The following MAGI1 variants were observed in gnomAD, a reference collection of about 807,000 sequenced individuals.
The protein encoded by MAGI1 is membrane associated guanylate kinase, WW and PDZ domain containing 1.
In MAGI1, 58 loss-of-function variants were observed where a neutral mutation model predicts 139.9. The observed-to-expected ratio is 0.41, with a 90% CI of 0.34 to 0.52. The LOEUF (loss-of-function observed/expected upper bound fraction) is 0.52, where lower values mean the gene tolerates loss of function less well. Among genes scored for constraint, MAGI1 ranks in the 20% least tolerant of loss-of-function variants. The pLI, the probability that MAGI1 is intolerant of heterozygous loss-of-function variation, is 0.12. For synonymous variants in MAGI1, 812 were observed against 737.9 expected (o/e 1.10, Z -1.63); for missense variants, 1,874 against 1,901.6 (o/e 0.99, Z 0.27).
chr3:65,605,864 A>G (rs2082714361), intron 2 of MAGI1, among the ~76,000 whole-genome samples: 1 of 152,220 alleles, frequency 6.6e-6, no homozygotes, highest in Non-Finnish European at 1.5e-5. Flanking sequence ...AAACTCTGAA[A>G]TGAAAGTCCA....
chr3:65,994,362 A>G (rs2066334455), intron 1 of MAGI1, among the ~76,000 whole-genome samples: 1 of 151,906 alleles, frequency 6.6e-6, no homozygotes, highest in Non-Finnish European at 1.5e-5. Flanking sequence ...GCAAAGAGTG[A>G]GAGACTCAGT....
At chr3:65,781,586 A>G (rs1294438689) in intron 1 of MAGI1, among the ~76,000 whole-genome samples, 1 of 152,214 alleles carries the variant, frequency 6.6e-6, no homozygotes, top group African/African-American at 2.4e-5. Context: ...TTATTATACA[A>G]ATTATATAGC....
intron 1 of MAGI1, among the ~76,000 whole-genome samples, chr3:65,681,629 T>G (rs1234283550): frequency 2.0e-5 from 3 of 152,256 alleles, no homozygotes; most frequent in African/African-American, 7.2e-5. Flanking sequence ...CCCTCTGCAC[T>G]TCTATTTATG....
intron 1 of MAGI1, among the ~76,000 whole-genome samples, chr3:65,679,847 T>C (rs984565058): frequency 4.6e-5 from 7 of 152,228 alleles, no homozygotes. Flanking sequence ...CAGGGCATGT[T>C]TATTTAAAAC....
intron 12 of MAGI1, among the ~76,000 whole-genome samples, chr3:65,404,161 T>C (rs1945141553): frequency 6.6e-6 from 1 of 152,262 alleles, no homozygotes; most frequent in Non-Finnish European, 1.5e-5. Context: ...TTAAGGAGAC[T>C]TTAGCCTTAT....
intron 1 of MAGI1, among the ~76,000 whole-genome samples, chr3:65,939,322 A>C (rs1276338915): frequency 6.6e-6 from 1 of 152,186 alleles, no homozygotes; most frequent in East Asian, 1.9e-4. Flanking sequence ...CTCATTATTA[A>C]AAAATATACA....
chr3:65,554,233 A>G (rs2079982691), intron 2 of MAGI1, among the ~76,000 whole-genome samples: 1 of 152,198 alleles, frequency 6.6e-6, no homozygotes, highest in African/African-American at 2.4e-5. Context: ...ACTATGTGAT[A>G]TAGAGTCATG....
intron 1 of MAGI1, among the ~76,000 whole-genome samples, chr3:65,835,307 T>A (rs1240549080): frequency 6.6e-6 from 1 of 152,168 alleles, no homozygotes; most frequent in Admixed American, 6.5e-5. Flanking sequence ...CTTATTCACA[T>A]CAAGGAAACA....
chr3:65,645,145 T>TA (rs2085192576), intron 1 of MAGI1, among the ~76,000 whole-genome samples: 1 of 151,956 alleles, frequency 6.6e-6, no homozygotes, highest in Non-Finnish European at 1.5e-5. Flanking sequence ...AACATTTACT[T>TA]AAAGAAATAA....
chr3:65,415,963 A>G (rs1946184334), intron 12 of MAGI1, among the ~76,000 whole-genome samples: 1 of 152,208 alleles, frequency 6.6e-6, no homozygotes, highest in African/African-American at 2.4e-5. Flanking sequence ...ATTCATGGGC[A>G]GTGCTGTTAT....
chr3:65,568,984 G>A (rs977345029), intron 2 of MAGI1, among the ~76,000 whole-genome samples: 17 of 152,184 alleles, frequency 1.1e-4, no homozygotes, highest in Non-Finnish European at 2.1e-4. Context: ...GCTGATAAAT[G>A]TTTTGTTTGG....
chr3:65,410,903 C>T (rs1440740977), intron 12 of MAGI1, among the ~76,000 whole-genome samples: 4 of 152,174 alleles, frequency 2.6e-5, no homozygotes, highest in Non-Finnish European at 2.9e-5. Context: ...GGAGCTTTTT[C>T]TAGCTTGCAA....
intron 12 of MAGI1, among the ~76,000 whole-genome samples, chr3:65,417,698 C>A (rs768758170): frequency 1.7e-4 from 26 of 152,026 alleles, no homozygotes; most frequent in Non-Finnish European, 3.4e-4. Context: ...GGGTCTCAAA[C>A]TCAGGTGATT....
At chr3:66,013,267 G>C (rs1042200592) in intron 1 of MAGI1, among the ~76,000 whole-genome samples, 10 of 152,042 alleles carry the variant, frequency 6.6e-5, no homozygotes, top group African/African-American at 2.2e-4. Context: ...GCCAGGCATG[G>C]TGGCACATGC....
chr3:65,841,012 T>C (rs1362511641), intron 1 of MAGI1, among the ~76,000 whole-genome samples: 3 of 152,186 alleles, frequency 2.0e-5, no homozygotes, highest in Non-Finnish European at 4.4e-5. Flanking sequence ...TGGTAGTTTG[T>C]GCTTTTCAAA....
chr3:65,679,538 A>G (rs975069886), intron 1 of MAGI1, among the ~76,000 whole-genome samples: 1 of 152,102 alleles, frequency 6.6e-6, no homozygotes, highest in East Asian at 1.9e-4. Flanking sequence ...ACTCCAGCCT[A>G]GGTGACAGAG....
At chr3:65,721,426 G>C (rs931687613) in intron 1 of MAGI1, among the ~76,000 whole-genome samples, 2 of 152,178 alleles carry the variant, frequency 1.3e-5, no homozygotes, top group Admixed American at 1.3e-4. Context: ...TAAGGTGCAT[G>C]AATTAGAGCT....
rs1940187188 is a variant in MAGI1 at position 65,356,249 on chromosome 3, T to C, written c.*129A>G. The C allele has an allele frequency of 1.2e-6, 1 of 837,036 alleles. No individual in the cohort carries two copies. The highest frequency in any genetic ancestry group is 1.8e-6 in the Non-Finnish European group (1 of 568,164). 51.9% of individuals were successfully genotyped at this position (837,036 alleles called of 1,614,324 possible). A position where few individuals can be genotyped will look rare whatever the true frequency, so the allele number is the denominator to read the frequency against. On this transcript the variant is annotated 3_prime_UTR_variant, in exon 23 of 23. Transcript: ENST00000402939. ...CTTATAAGATTTCAAATGCATAAAA[T>C]GTTTGTTGTTATTCATAGGATCATC... is the stretch of plus-strand genomic sequence containing the variant.
In MAGI1 at chr3:65,943,787, G is replaced by T. The variant is rs1465055039; in HGVS notation, c.313+94209C>A. Among the ~76,000 whole-genome samples, 7 of 152,142 alleles carry T rather than the reference G, an allele frequency of 4.6e-5. No individual in the cohort carries two copies. In the East Asian group the frequency reaches 1.3e-3, roughly 29 times the overall value. On this transcript the variant is annotated intron_variant, in intron 1 of 22. Coordinates refer to ENST00000402939, the MANE Select transcript of MAGI1 (RefSeq NM_001033057.2). ...TATTCCAAGAAGAATATTCTGTAGA[G>T]AAGCAGTATCACAACATATTAAAGA...
Sources: allele counts gnomAD v4.1 joint callset (sites outside exome capture counted in the v4.1 genomes callset), GRCh38; gene constraint gnomAD v4.1.1; transcripts MANE v1.5; gene names NCBI Gene and HGNC (gene_info 2026-07-23, HGNC 2026-07-21).